Variants in TMEM150C observed in about 807,000 individuals in gnomAD.
TMEM150C encodes the protein transmembrane protein 150C.
Under a neutral mutation model 29.9 loss-of-function variants are expected in TMEM150C, and 10 were observed. The observed-to-expected ratio is 0.33, with a 90% CI of 0.21 to 0.57. The LOEUF is 0.57. Ranked by LOEUF, TMEM150C falls within the 20% of genes least tolerant of loss-of-function variation. The probability of loss-of-function intolerance (pLI) is 0.88; values close to 1 mark genes in which losing one functional copy is unlikely to be tolerated. For synonymous variants in TMEM150C, 101 were observed against 112.5 expected, an observed-to-expected ratio of 0.90 and a Z score of 0.64; for missense variants, 251 against 303.6, an observed-to-expected ratio of 0.83 and a Z score of 1.29.
chr4:82,507,727 CTTTTTTTTTTTTTTTTTTTTTT>C (rs869112887), intron 1 of TMEM150C, among the ~76,000 whole-genome samples: 7 of 20,588 alleles, frequency 3.4e-4, no homozygotes, highest in South Asian at 2.1e-3. Context: ...CTCTCTCTCT[CTTTTTTTTTTTTTTTTTTTTTT>C]TTTTTTTTTT....
Position 82,485,326 on chromosome 4 carries a change from T to G in TMEM150C, c.*185A>C, listed in dbSNP as rs1474293313. 1 of 595,792 alleles carries G rather than the reference T, an allele frequency of 1.7e-6. No homozygotes were observed. Among genetic ancestry groups the G allele is most frequent in the Non-Finnish European group, 3.0e-6 (1 of 334,578 alleles). 36.9% of individuals were successfully genotyped at this position (595,792 alleles called of 1,614,324 possible). On this transcript the variant is annotated 3_prime_UTR_variant, in exon 8 of 8. Coordinates refer to ENST00000449862, the MANE Select transcript of TMEM150C (RefSeq NM_001080506.3). ...GTGTAACAGCGTGTATTTCGACACA[T>G]AAGGGCTTGTGCTTTTTCATTAAAG...
intron 3 of TMEM150C, 43 bp downstream of exon 3, chr4:82,503,016 A>T (rs944744348): frequency 6.2e-7 from 1 of 1,607,856 alleles, no homozygotes. Context: ...AGTTTTTGCT[A>T]AATCTCTTGA....
At chr4:82,495,683 C>A in intron 6 of TMEM150C, 1 of 290,094 alleles carries the variant, frequency 3.4e-6, no homozygotes. Context: ...GTCAAGATAC[C>A]CTGCTTGTTG....
chr4:82,538,456 G>A (rs1725084117), intron 1 of TMEM150C, among the ~76,000 whole-genome samples: 1 of 152,176 alleles, frequency 6.6e-6, no homozygotes, highest in African/African-American at 2.4e-5. Context: ...TTAATTCGCA[G>A]TCATTCAGAT....
Position 82,561,971 on chromosome 4 carries a change from G to A in TMEM150C, c.-76C>T, listed in dbSNP as rs1725953212. The A allele has an allele frequency of 2.7e-6, 3 of 1,106,426 alleles. No homozygotes were observed. Among genetic ancestry groups the A allele is most frequent in the Non-Finnish European group, 3.3e-6 (3 of 901,334 alleles). The allele number at this position is 1,106,426 out of a possible 1,614,324, so 68.5% of individuals were successfully genotyped here. ...GTGACCTGCTGCGGTGGCGGCGGCGGCAGCAGTAGCGGCGGGTAGGGCGCT... is the reference window on the plus strand; with the variant it reads ...GTGACCTGCTGCGGTGGCGGCGGCGACAGCAGTAGCGGCGGGTAGGGCGCT... On this transcript the variant is annotated 5_prime_UTR_variant, in exon 1 of 8. Coordinates refer to ENST00000449862, the MANE Select transcript of TMEM150C (RefSeq NM_001080506.3).
chr4:82,525,116 C>T (rs1021563022), intron 1 of TMEM150C, among the ~76,000 whole-genome samples: 3 of 152,182 alleles, frequency 2.0e-5, no homozygotes, highest in African/African-American at 7.2e-5. Context: ...ATACAAAGAA[C>T]ACTTGAGGCA....
chr4:82,561,832 C>T (rs1725946141), intron 1 of TMEM150C, 74 bp downstream of exon 1: 1 of 962,024 alleles, frequency 1.0e-6, no homozygotes, highest in African/African-American at 1.8e-5. Flanking sequence ...CGCCTGCGGG[C>T]TGCGCACGGG....
intron 1 of TMEM150C, among the ~76,000 whole-genome samples, chr4:82,518,631 G>A (rs553036833): frequency 2.6e-4 from 40 of 152,182 alleles, no homozygotes; most frequent in African/African-American, 8.0e-4. Flanking sequence ...TGAGACATAC[G>A]AGGGGTTTCT....
intron 1 of TMEM150C, among the ~76,000 whole-genome samples, chr4:82,531,610 C>T (rs1022242138): frequency 6.6e-6 from 1 of 151,974 alleles, no homozygotes; most frequent in Non-Finnish European, 1.5e-5. Context: ...AAAAAATTAG[C>T]TGGGCGTAGT....
chr4:82,546,934 A>G (rs1048456308), intron 1 of TMEM150C, among the ~76,000 whole-genome samples: 4 of 152,208 alleles, frequency 2.6e-5, no homozygotes, highest in South Asian at 4.1e-4. Flanking sequence ...GTTTCAAACT[A>G]TAAGAATCCT....
At chr4:82,528,165 C>G (rs1724715157) in intron 1 of TMEM150C, among the ~76,000 whole-genome samples, 1 of 152,150 alleles carries the variant, frequency 6.6e-6, no homozygotes, top group South Asian at 2.1e-4. Context: ...AGGAGAAAGT[C>G]ATTAGTTCTA....
At chr4:82,501,980 T>A (rs914300250) in intron 5 of TMEM150C, among the ~76,000 whole-genome samples, 1 of 152,150 alleles carries the variant, frequency 6.6e-6, no homozygotes, top group Admixed American at 6.5e-5. Flanking sequence ...CCTAACATCA[T>A]CCTGACAGTG....
chr4:82,503,617 G>A (rs186896564), intron 2 of TMEM150C, among the ~76,000 whole-genome samples: 114 of 152,274 alleles, frequency 7.5e-4, no homozygotes, highest in African/African-American at 2.6e-3. Flanking sequence ...TTGGGAGGCC[G>A]AGGCGGGCAG....
At chr4:82,487,929 ATATT>A (rs941375966) in intron 7 of TMEM150C, among the ~76,000 whole-genome samples, 4 of 151,624 alleles carry the variant, frequency 2.6e-5, no homozygotes, top group South Asian at 2.1e-4. Flanking sequence ...CTTTTTATTT[ATATT>A]TATTTATTTA....
chr4:82,514,337 T>C (rs1427300684), intron 1 of TMEM150C, among the ~76,000 whole-genome samples: 1 of 152,262 alleles, frequency 6.6e-6, no homozygotes, highest in East Asian at 1.9e-4. Context: ...CTGCTCCCTG[T>C]TCTACCGTGG....
Position 82,522,883 on chromosome 4 carries a change from T to G in TMEM150C, c.-10-18216A>C, listed in dbSNP as rs948393381. 2.6e-5 allele frequency among the ~76,000 whole-genome samples: 4 copies of G among 152,258 alleles called. No individual in the cohort carries two copies. The East Asian group carries it at 7.7e-4, about 29-fold the overall frequency. On this transcript the variant is annotated intron_variant, in intron 1 of 7. Coordinates refer to ENST00000449862, the MANE Select transcript of TMEM150C (RefSeq NM_001080506.3). The stretch of plus-strand genomic sequence containing the variant: ...CCAAAGACACCAGGGTGATCAGATG[T>G]CACCTGGGGGATGGTGGAGAATAGA...
rs1723549721 is a variant in TMEM150C at position 82,496,125 on chromosome 4, A to G, written c.306T>C (p.Ser102=). Residue 102 remains serine (S), a synonymous_variant, in exon 6 of 8, where the codon AGT becomes AGC. Transcript: ENST00000449862. ...PKVLNPWLNI[S]GLVALCLASF... is the part of the protein sequence containing the mutation. The stretch of plus-strand genomic sequence containing the variant: ...AAGCCAGACACAGAGCCACCAATCC[A>G]CTAATATTCAGCCACGGGTTTAAAA... 19 of 1,613,886 alleles carry G rather than the reference A, an allele frequency of 1.2e-5. No homozygotes were observed. The highest frequency in any genetic ancestry group is 1.7e-5 in the Admixed American group (1 of 60,002).
chr4:82,539,571 G>C (rs1316230111), intron 1 of TMEM150C, among the ~76,000 whole-genome samples: 3 of 151,806 alleles, frequency 2.0e-5, no homozygotes, highest in South Asian at 2.1e-4. Flanking sequence ...TCCTGCCTCC[G>C]ACTCCCGAGT....
chr4:82,492,898 A>G (rs113598293), intron 6 of TMEM150C, among the ~76,000 whole-genome samples: 2,143 of 136,088 alleles, frequency 0.016, 72 homozygotes, highest in African/African-American at 0.057. Flanking sequence ...ATATATATAT[A>G]TGTATTTGAG....
Sources: gnomAD v4.1 joint callset for allele counts (sites outside exome capture counted in the v4.1 genomes callset) on GRCh38, gnomAD v4.1.1 for gene constraint, MANE v1.5 for transcripts, NCBI Gene and HGNC (gene_info 2026-07-23, HGNC 2026-07-21) for gene names.